Variants in SEC24B observed in about 807,000 individuals in gnomAD.
SEC24B encodes the protein protein transport protein Sec24B.
A neutral mutation model predicts 142.8 loss-of-function variants in SEC24B; 45 were observed. The observed-to-expected ratio is 0.32, with a 90% CI of 0.25 to 0.40. The LOEUF (loss-of-function observed/expected upper bound fraction) is 0.40, where lower values mean the gene tolerates loss of function less well. Ranked by LOEUF, SEC24B falls within the 10% of genes least tolerant of loss-of-function variation. SEC24B has a pLI of 1.00. For missense variants in SEC24B, 1,409 were observed against 1,526.8 expected (o/e 0.92, Z 1.29); for synonymous variants, 574 against 568.2 (o/e 1.01, Z -0.15).
rs1312927715 is a variant in SEC24B, at chr4:109,521,455, G to A, written c.2337G>A (p.Met779Ile). The A allele has an allele frequency of 1.1e-5, 17 of 1,613,910 alleles. No homozygotes were observed. Among genetic ancestry groups the A allele is most frequent in the Non-Finnish European group, 1.4e-5 (17 of 1,180,002 alleles). ...ACTTACTGAATGCATTACCAAACAT[G>A]TTCACCAATACAAGAGAAACACACA... is the stretch of plus-strand genomic sequence containing the variant. ...IKDLLNALPN[M>I]FTNTRETHSA... The change falls in exon 14 of 24, where the codon ATG (methionine) becomes ATA (isoleucine). Residue 779 changes from methionine to isoleucine, a missense_variant. This residue lies in a region of SEC24B where 700 missense variants were observed against 853.3 expected (regional missense o/e 0.82). Transcript: ENST00000265175.
chr4:109,530,776 A>T (rs942251771), intron 19 of SEC24B, among the ~76,000 whole-genome samples: 1 of 151,776 alleles, frequency 6.6e-6, no homozygotes, highest in African/African-American at 2.4e-5. Context: ...CGCGCCTGTA[A>T]TCCCAGCTAC....
intron 1 of SEC24B, among the ~76,000 whole-genome samples, chr4:109,437,923 CACAA>C (rs1355253216): frequency 6.6e-6 from 1 of 152,122 alleles, no homozygotes; most frequent in East Asian, 1.9e-4. Context: ...GTGCCTGGCC[CACAA>C]ACGTTTTTTA....
chr4:109,439,039 G>T (rs1728669873), intron 1 of SEC24B, among the ~76,000 whole-genome samples: 1 of 152,120 alleles, frequency 6.6e-6, no homozygotes, highest in Non-Finnish European at 1.5e-5. Context: ...ATAAGCTGCT[G>T]CTTTTTAATT....
chr4:109,522,074 C>T (rs549364394), intron 14 of SEC24B, among the ~76,000 whole-genome samples: 12 of 144,278 alleles, frequency 8.3e-5, no homozygotes, highest in East Asian at 6.3e-4. Flanking sequence ...TTTTTTGAGA[C>T]GGAGTCTTGC....
At chr4:109,508,464 G>A (rs1374145165) in intron 7 of SEC24B, among the ~76,000 whole-genome samples, 1 of 152,056 alleles carries the variant, frequency 6.6e-6, no homozygotes, top group Non-Finnish European at 1.5e-5. Flanking sequence ...CTACTCTGTA[G>A]GCTGAGGTGG....
At chr4:109,435,238 A>C (rs930258466) in intron 1 of SEC24B, among the ~76,000 whole-genome samples, 19 of 152,234 alleles carry the variant, frequency 1.2e-4, no homozygotes, top group Admixed American at 7.2e-4. Flanking sequence ...TCTTTGGATC[A>C]GCCTTACCTA....
intron 6 of SEC24B, among the ~76,000 whole-genome samples, chr4:109,497,406 C>T (rs997864087): frequency 6.6e-6 from 1 of 152,144 alleles, no homozygotes; most frequent in Non-Finnish European, 1.5e-5. Context: ...TTTTTATATT[C>T]TGGGTCTAGT....
At chr4:109,535,279 C>T (rs376761150) in intron 22 of SEC24B, among the ~76,000 whole-genome samples, 15 of 152,218 alleles carry the variant, frequency 9.9e-5, no homozygotes, top group East Asian at 9.7e-4. Flanking sequence ...CTGGGCCGGA[C>T]GCTGTGGCTC....
rs183041205 is a variant in SEC24B at position 109,466,450 on chromosome 4, A to G, written c.877+2806A>G. Among the ~76,000 whole-genome samples, 15 of 152,322 alleles carry G rather than the reference A, an allele frequency of 9.8e-5. No individual in the cohort carries two copies. In the East Asian group the frequency reaches 1.7e-3, roughly 18 times the overall value. ...TTTTGAGATGGAGTCTCGCTCTGTC[A>G]CCCAGGCTGGAGTGCAGTGGCGCCA... On this transcript the variant is annotated intron_variant, in intron 2 of 23. Coordinates refer to ENST00000265175, the MANE Select transcript of SEC24B (RefSeq NM_006323.5).
Position 109,463,148 on chromosome 4 carries a change from G to A in SEC24B, c.381G>A (p.Val127=), listed in dbSNP as rs1350390646. 3 of 1,614,068 alleles carry A rather than the reference G, an allele frequency of 1.9e-6. No homozygotes were observed. Among genetic ancestry groups the A allele is most frequent in the Admixed American group, 3.3e-5 (2 of 60,012 alleles). The change falls in exon 2 of 24, where the codon GTG becomes GTA. Residue 127 remains valine (V), a synonymous_variant. Transcript: ENST00000265175. The part of the protein sequence containing the change: ...YSRGPPAPHI[V]GSTLGSFQGA... ...GGGGTCCTCCTGCCCCTCATATTGTGGGATCCACTCTAGGATCTTTCCAAG... is the reference window on the plus strand; with the variant it reads ...GGGGTCCTCCTGCCCCTCATATTGTAGGATCCACTCTAGGATCTTTCCAAG...
intron 9 of SEC24B, among the ~76,000 whole-genome samples, chr4:109,513,531 C>T (rs141173926): frequency 0.047 from 7,155 of 152,208 alleles, 189 homozygotes; most frequent in African/African-American, 0.07. Flanking sequence ...ATCCGCCCGC[C>T]GCGGCCGCCC....
At chr4:109,448,617 A>G (rs923887474) in intron 1 of SEC24B, among the ~76,000 whole-genome samples, 4 of 151,288 alleles carry the variant, frequency 2.6e-5, no homozygotes, top group African/African-American at 9.7e-5. Flanking sequence ...GCGTTTTTGT[A>G]TTTTCAGTAG....
chr4:109,482,979 T>TATATATATATACACAC lies in SEC24B; in HGVS notation c.1165+1199_1165+1200insTATATATATACACACA, dbSNP rs781527364. Among the ~76,000 whole-genome samples the TATATATATATACACAC allele has an allele frequency of 8.0e-4, 21 of 26,388 alleles. 1 individual carries two copies. The highest frequency in any genetic ancestry group is 1.1e-3 in the Non-Finnish European group (15 of 13,296). 17.3% of individuals were successfully genotyped at this position (26,388 alleles called of 152,430 possible). On this transcript the variant is annotated intron_variant, in intron 4 of 23. Coordinates refer to ENST00000265175, the MANE Select transcript of SEC24B (RefSeq NM_006323.5). Reference sequence around the variant, plus strand: ...ATATATATATATATATATATATATATACACACACACACACACACACACACA... The same window carrying TATATATATATACACAC: ...ATATATATATATATATATATATATATATATATATATACACACACACACACACACACACACACACACA...
At chr4:109,530,596 T>C in intron 19 of SEC24B, 132 bp downstream of exon 19, 1 of 793,134 alleles carries the variant, frequency 1.3e-6, no homozygotes, top group East Asian at 2.7e-5. Context: ...GAAAGAGTTT[T>C]GAAGAATAGA....
chr4:109,492,098 C>A (rs1453149041), intron 5 of SEC24B, among the ~76,000 whole-genome samples: 1 of 150,752 alleles, frequency 6.6e-6, no homozygotes, highest in Non-Finnish European at 1.5e-5. Flanking sequence ...TATTTCTTAT[C>A]TCTTTGTTGA....
intron 4 of SEC24B, among the ~76,000 whole-genome samples, chr4:109,484,542 AAGAG>A (rs753334879): frequency 1.8e-4 from 27 of 152,262 alleles, no homozygotes; most frequent in African/African-American, 4.3e-4. Context: ...AAAGAAAAAA[AAGAG>A]AGAGAGATCA....
intron 2 of SEC24B, among the ~76,000 whole-genome samples, chr4:109,467,203 G>A (rs1292244185): frequency 6.6e-6 from 1 of 151,120 alleles, no homozygotes; most frequent in Non-Finnish European, 1.5e-5. Flanking sequence ...GCGGGCGCCT[G>A]TAGTCCCAGC....
chr4:109,530,920 A>AG (rs1724856895), intron 19 of SEC24B, among the ~76,000 whole-genome samples: 1 of 145,526 alleles, frequency 6.9e-6, no homozygotes, highest in Non-Finnish European at 1.5e-5. Flanking sequence ...AAAAAAAAAA[A>AG]GAAAAGATCA....
At chr4:109,516,849 G>A (rs1722987046) in intron 11 of SEC24B, among the ~76,000 whole-genome samples, 1 of 152,118 alleles carries the variant, frequency 6.6e-6, no homozygotes, top group South Asian at 2.1e-4. Context: ...TAAAAATCTA[G>A]TATTTAGTCA....
Sources: gnomAD v4.1 joint callset for allele counts (sites outside exome capture counted in the v4.1 genomes callset) on GRCh38, gnomAD v4.1.1 for gene constraint, gnomAD v4.1.1 regional missense constraint, MANE v1.5 for transcripts, NCBI Gene and HGNC (gene_info 2026-07-23, HGNC 2026-07-21) for gene names.